Variants in OR10K2 observed in about 807,000 individuals in gnomAD.
OR10K2 encodes olfactory receptor family 10 subfamily K member 2, also known as olfactory receptor 10K2.
For synonymous variants in OR10K2, 169 were observed against 146.4 expected, an observed-to-expected ratio of 1.15 and a Z score of -1.11; for missense variants, 401 against 367.1, an observed-to-expected ratio of 1.09 and a Z score of -0.76.
chr1:158,421,885 C>G (rs1373183069), intron 1 of OR10K2, among the ~76,000 whole-genome samples: 1 of 152,052 alleles, frequency 6.6e-6, no homozygotes, highest in African/African-American at 2.4e-5. Flanking sequence ...CACTATTGCC[C>G]AAATATGTTC....
At chr1:158,422,512 G>A (rs1409845718) in intron 1 of OR10K2, among the ~76,000 whole-genome samples, 1 of 152,058 alleles carries the variant, frequency 6.6e-6, no homozygotes, top group African/African-American at 2.4e-5. Context: ...TGTACCTAAG[G>A]TGATTCCCAA....
chr1:158,420,076 G>T lies in OR10K2; in HGVS notation c.791C>A (p.Ser264Tyr). ...CASFIYLRPQ[S>Y]NYSSSQDALI... ...AGCATCCTGGCTTGAGGAGTAGTTG[G>T]ACTGAGGCCTTAAGTAGATAAAGGA... Residue 264 changes from serine (S) to tyrosine (Y), a missense_variant, in exon 2 of 2, where the codon TCC (serine) becomes TAC (tyrosine). Physicochemically the swap from Ser to Tyr is moderately radical, Grantham distance 144. Coordinates refer to ENST00000641042, the MANE Select transcript of OR10K2 (RefSeq NM_001004476.2). The T allele has an allele frequency of 6.2e-7, 1 of 1,613,706 alleles. No individual in the cohort carries two copies.
At position 158,426,076 on chromosome 1, in the gene OR10K2, C is replaced by G. The variant is rs1352476328; in HGVS notation, c.-205G>C. 1.3e-5 allele frequency: 2 copies of G among 152,056 alleles called. No individual in the cohort carries two copies. The highest frequency in any genetic ancestry group is 4.8e-5 in the African/African-American group (2 of 41,416). The allele number at this position is 152,056 out of a possible 1,614,324, so 9.4% of individuals were successfully genotyped here. ...CATGGAGTGCTTCCATTTTTCTCTG[C>G]CTCTCCCTAAGAGAAGCCAGGGACA... On this transcript the variant is annotated 5_prime_UTR_variant, in exon 1 of 2. Coordinates refer to ENST00000641042, the MANE Select transcript of OR10K2 (RefSeq NM_001004476.2).
In OR10K2 at chr1:158,420,211, A is replaced by G. The variant is rs755797991; in HGVS notation, c.656T>C (p.Val219Ala). Residue 219 changes from valine to alanine, a missense_variant, in exon 2 of 2, where the codon GTT becomes GCT. By Grantham distance (64) the Val-to-Ala change is moderately conservative. Transcript: ENST00000641042. ...CTGAAGTATGGCAGAGAGGATGTGA[A>G]CATAGGACACCAAGATCAACAATAA... ...IPLLLILVSY[V>A]HILSAILQFP... 6.2e-7 allele frequency: 1 copy of G among 1,613,774 alleles called. No homozygotes were observed. The highest frequency in any genetic ancestry group is 1.1e-5 in the South Asian group (1 of 91,078).
Position 158,420,299 on chromosome 1 carries a change from G to T in OR10K2, c.568C>A (p.His190Asn). The T allele has an allele frequency of 6.2e-7, 1 of 1,613,870 alleles. No homozygotes were observed. The highest frequency in any genetic ancestry group is 1.1e-5 in the South Asian group (1 of 91,080). The change falls in exon 2 of 2, where the codon CAC (histidine) becomes AAC (asparagine). Residue 190 changes from histidine (H) to asparagine (N), a missense_variant. By Grantham distance (68) the His-to-Asn change is moderately conservative. Transcript: ENST00000641042. ...ACAATCTGACTAAAGTGGTTATGGT[G>T]AGATGCCAGCTTGAGGACAGGAGCA... ...DIAPVLKLAS[H>N]HNHFSQIVIF...
chr1:158,422,374 A>G (rs1655172625), intron 1 of OR10K2, among the ~76,000 whole-genome samples: 1 of 152,132 alleles, frequency 6.6e-6, no homozygotes, highest in Non-Finnish European at 1.5e-5. Flanking sequence ...AGAATTGCTC[A>G]GTGTCAAGAA....
At position 158,426,057 on chromosome 1, in the gene OR10K2, G is replaced by A. The variant is rs1655248830; in HGVS notation, c.-186C>T. ...AAGATGGATGTCTGTTATTCATGGA[G>A]TGCTTCCATTTTTCTCTGCCTCTCC... On this transcript the variant is annotated 5_prime_UTR_variant, in exon 1 of 2. Transcript: ENST00000641042. 2.0e-5 allele frequency: 3 copies of A among 152,104 alleles called. No individual in the cohort carries two copies. Among genetic ancestry groups the A allele is most frequent in the Admixed American group, 2.0e-4 (3 of 15,246 alleles). The allele number at this position is 152,104 out of a possible 1,614,324, so 9.4% of individuals were successfully genotyped here. A position where few individuals can be genotyped will look rare whatever the true frequency, so the allele number is the denominator to read the frequency against.
At chr1:158,425,379 G>T (rs1353783279) in intron 1 of OR10K2, among the ~76,000 whole-genome samples, 3 of 152,214 alleles carry the variant, frequency 2.0e-5, no homozygotes, top group East Asian at 3.9e-4. Flanking sequence ...TTCTCTTTCA[G>T]AAGAATGTGA....
rs35350080 is a variant in OR10K2 at position 158,419,611 on chromosome 1, ATT to A, written c.*315_*316del. 3,224 of 124,302 alleles carry A rather than the reference ATT, an allele frequency of 0.026. 31 individuals carry two copies. Among genetic ancestry groups the A allele is most frequent in the African/African-American group, 0.048 (1,475 of 31,040 alleles). The allele number at this position is 124,302 out of a possible 1,614,324, so 7.7% of individuals were successfully genotyped here. On this transcript the variant is annotated 3_prime_UTR_variant, in exon 2 of 2. Transcript: ENST00000641042. ...ACGGTTTGGAAAGAGCAGAATCAAG[ATT>A]TTTTTTTTTTTTTTTTTTTGAGACA... is the stretch of plus-strand genomic sequence containing the variant.
At position 158,420,498 on chromosome 1, in the gene OR10K2, G is replaced by A. The variant is rs769340781; in HGVS notation, c.369C>T (p.Tyr123=). 5 of 1,613,894 alleles carry A rather than the reference G, an allele frequency of 3.1e-6. No individual in the cohort carries two copies. In the South Asian group the frequency reaches 5.5e-5, roughly 18 times the overall value. Residue 123 remains tyrosine (Y), a synonymous_variant, in exon 2 of 2, where the codon TAC becomes TAT. Coordinates refer to ENST00000641042, the MANE Select transcript of OR10K2 (RefSeq NM_001004476.2). ...AGCGCAGTGGGTTACAGATGGCTAT[G>A]TAACGATCATAACCCATGACTGCCA... The part of the protein sequence containing the change: ...FLLAVMGYDR[Y]IAICNPLRYS...
intron 1 of OR10K2, among the ~76,000 whole-genome samples, chr1:158,422,008 T>C (rs17679278): frequency 0.38 from 57,492 of 151,854 alleles, 11,821 homozygotes; most frequent in Non-Finnish European, 0.46. Flanking sequence ...TTGAAAGCTT[T>C]CTTGCTACCT....
rs768896756 is a variant in OR10K2, at chr1:158,420,647, T to C, written c.220A>G (p.Thr74Ala). The part of the protein sequence containing the change: ...AILSCSEICY[T>A]FIIVPKMLVD... ...AGCATCTTGGGTACAATGATGAAGG[T>C]GTAGCAAATCTCAGAGCAAGAGAGG... The change falls in exon 2 of 2, where the codon ACC (threonine) becomes GCC (alanine). Residue 74 changes from threonine (T) to alanine (A), a missense_variant. Transcript: ENST00000641042. The C allele has an allele frequency of 4.1e-5, 66 of 1,613,654 alleles. No individual in the cohort carries two copies. The highest frequency in any genetic ancestry group is 5.1e-5 in the Non-Finnish European group (60 of 1,179,894).
chr1:158,425,630 G>T (rs1013150554), intron 1 of OR10K2, among the ~76,000 whole-genome samples: 11 of 151,828 alleles, frequency 7.2e-5, no homozygotes, highest in African/African-American at 2.7e-4. Context: ...TTATATCTTT[G>T]TGTAGATCCT....
In OR10K2 at chr1:158,419,619, T is replaced by TC. The variant is rs1655102762; in HGVS notation, c.*308_*309insG. ...GAAAGAGCAGAATCAAGATTTTTTT[T>TC]TTTTTTTTTTTTTGAGACAGAGTCT... On this transcript the variant is annotated 3_prime_UTR_variant, in exon 2 of 2. Coordinates refer to ENST00000641042, the MANE Select transcript of OR10K2 (RefSeq NM_001004476.2). The TC allele has an allele frequency of 6.0e-6, 1 of 166,918 alleles. No individual in the cohort carries two copies. The highest frequency in any genetic ancestry group is 2.4e-5 in the African/African-American group (1 of 41,094). 10.3% of individuals were successfully genotyped at this position (166,918 alleles called of 1,614,324 possible). A position where few individuals can be genotyped will look rare whatever the true frequency, so the allele number is the denominator to read the frequency against.
rs1655113815 is a variant in OR10K2, at chr1:158,420,035, A to G, written c.832T>C (p.Tyr278His). 6.2e-7 allele frequency: 1 copy of G among 1,613,718 alleles called. No homozygotes were observed. Among genetic ancestry groups the G allele is most frequent in the Non-Finnish European group, 8.5e-7 (1 of 1,179,778 alleles). The change falls in exon 2 of 2, where the codon TAC (tyrosine) becomes CAC (histidine). Residue 278 changes from tyrosine to histidine, a missense_variant. Physicochemically the swap from Tyr to His is moderately conservative, Grantham distance 83 (BLOSUM62 2). Coordinates refer to ENST00000641042, the MANE Select transcript of OR10K2 (RefSeq NM_001004476.2). Reference protein sequence around the residue: ...SSQDALISVSYTIITPLFNPM... With the variant: ...SSQDALISVSHTIITPLFNPM... ...TTGAACAATGGAGTTATAATAGTGT[A>G]GGATACTGATATTAGAGCATCCTGG... is the stretch of plus-strand genomic sequence containing the variant.
chr1:158,423,600 T>C (rs1178725372), intron 1 of OR10K2, among the ~76,000 whole-genome samples: 1 of 152,074 alleles, frequency 6.6e-6, no homozygotes, highest in Non-Finnish European at 1.5e-5. Context: ...TAAGTACTTC[T>C]GTTTTATTAC....
At chr1:158,425,092 A>T (rs1309295072) in intron 1 of OR10K2, among the ~76,000 whole-genome samples, 2 of 152,072 alleles carry the variant, frequency 1.3e-5, no homozygotes, top group African/African-American at 4.8e-5. Context: ...TACCTTTCAC[A>T]TTGCTTCCTG....
chr1:158,420,200 A>G lies in OR10K2; in HGVS notation c.667T>C (p.Ser223Pro), dbSNP rs1655119875. The change falls in exon 2 of 2, where the codon TCT becomes CCT. Residue 223 changes from serine (S) to proline (P), a missense_variant. Coordinates refer to ENST00000641042, the MANE Select transcript of OR10K2 (RefSeq NM_001004476.2). The part of the protein sequence containing the change: ...LILVSYVHIL[S>P]AILQFPSTLG... ...GTGGAAGGAAACTGAAGTATGGCAG[A>G]GAGGATGTGAACATAGGACACCAAG... is the stretch of plus-strand genomic sequence containing the variant. 1.2e-6 allele frequency: 2 copies of G among 1,613,654 alleles called. No homozygotes were observed. Among genetic ancestry groups the G allele is most frequent in the Admixed American group, 1.7e-5 (1 of 59,892 alleles).
At chr1:158,424,137 A>G (rs905316003) in intron 1 of OR10K2, among the ~76,000 whole-genome samples, 1 of 152,106 alleles carries the variant, frequency 6.6e-6, no homozygotes, top group Non-Finnish European at 1.5e-5. Context: ...GAATTTTAAT[A>G]AAAGTACTGG....
Sources: gnomAD v4.1 joint callset for allele counts (sites outside exome capture counted in the v4.1 genomes callset) on GRCh38, gnomAD v4.1.1 for gene constraint, MANE v1.5 for transcripts, NCBI Gene and HGNC (gene_info 2026-07-23, HGNC 2026-07-21) for gene names.